PLOD2: variants seen among roughly 807,000 people sequenced by gnomAD.
The protein encoded by PLOD2 is lysine hydroxylase 2.
Under a neutral mutation model 101.0 loss-of-function variants are expected in PLOD2, and 65 were observed. The ratio of observed to expected loss-of-function variants is 0.64; its 90% CI spans 0.53 to 0.79. The LOEUF is 0.79. Ranked by LOEUF, PLOD2 falls within the 30% of genes least tolerant of loss-of-function variation. The pLI is 0.00. For missense variants in PLOD2, 909 were observed against 914.6 expected (o/e 0.99, Z 0.08); for synonymous variants, 314 against 302.9 (o/e 1.04, Z -0.38).
At chr3:146,119,037 T>C (rs1167186488) in intron 3 of PLOD2, among the ~76,000 whole-genome samples, 1 of 152,100 alleles carries the variant, frequency 6.6e-6, no homozygotes, top group African/African-American at 2.4e-5. Flanking sequence ...CCCACCCACA[T>C]CTCATGTTGA....
rs1936278388 is a variant in PLOD2 at position 146,074,939 on chromosome 3, G to T, written c.1678-1587C>A. Reference sequence around the variant, plus strand: ...AGAAAACTTGTTCCTACTCAGTTCTGATATTTTCATTGCTTACTTTCCAAA... The same window carrying T: ...AGAAAACTTGTTCCTACTCAGTTCTTATATTTTCATTGCTTACTTTCCAAA... On this transcript the variant is annotated intron_variant, in intron 15 of 19. Coordinates refer to ENST00000282903, the MANE Select transcript of PLOD2 (RefSeq NM_182943.3). Among the ~76,000 whole-genome samples the T allele has an allele frequency of 2.0e-5, 3 of 151,494 alleles. No homozygotes were observed. The Admixed American group carries it at 2.0e-4, about 10-fold the overall frequency.
intron 7 of PLOD2, among the ~76,000 whole-genome samples, chr3:146,102,402 C>T (rs775621688): frequency 1.6e-4 from 25 of 152,020 alleles, no homozygotes; most frequent in Non-Finnish European, 2.9e-4. Flanking sequence ...ACTTAGAAAA[C>T]GGCAAGTCAG....
Position 146,070,381 on chromosome 3 carries a change from ATAT to A in PLOD2, c.*333_*335del, listed in dbSNP as rs1174101032. ...TCCCATGCTTTTTTTAAATAAGAAA[ATAT>A]TATTAGTCTTGTTATTTGTACCTAA... On this transcript the variant is annotated 3_prime_UTR_variant, in exon 20 of 20. Transcript: ENST00000282903. The A allele has an allele frequency of 6.3e-6, 1 of 158,568 alleles. No homozygotes were observed. The highest frequency in any genetic ancestry group is 1.4e-5 in the Non-Finnish European group (1 of 72,620). 9.8% of individuals were successfully genotyped at this position (158,568 alleles called of 1,614,324 possible).
chr3:146,118,511 A>G (rs1424466890), intron 3 of PLOD2, among the ~76,000 whole-genome samples: 1 of 152,178 alleles, frequency 6.6e-6, no homozygotes, highest in Non-Finnish European at 1.5e-5. Flanking sequence ...TTGTGTCTTT[A>G]TATTTTCAAA....
intron 7 of PLOD2, among the ~76,000 whole-genome samples, chr3:146,099,742 G>T (rs1426085121): frequency 6.6e-6 from 1 of 152,010 alleles, no homozygotes; most frequent in Non-Finnish European, 1.5e-5. Context: ...ACACTATGTA[G>T]TTATGGGAAA....
intron 1 of PLOD2, among the ~76,000 whole-genome samples, chr3:146,144,911 G>A (rs2031703926): frequency 6.6e-6 from 1 of 151,928 alleles, no homozygotes; most frequent in Non-Finnish European, 1.5e-5. Flanking sequence ...GTGTGTTCAT[G>A]GACAAATTTA....
intron 1 of PLOD2, among the ~76,000 whole-genome samples, chr3:146,142,807 G>A (rs144017913): frequency 2.6e-5 from 4 of 152,160 alleles, no homozygotes; most frequent in East Asian, 3.9e-4. Flanking sequence ...TAAGAAAGGG[G>A]CATTGTCAGC....
Position 146,073,390 on chromosome 3 carries a change from T to A in PLOD2, c.1678-38A>T, listed in dbSNP as rs765246365. On this transcript the variant is annotated intron_variant, in intron 15 of 19. Transcript: ENST00000282903. ...GTACATATTAAAACAAATATCTTTA[T>A]AAATACTTCACTGAAAAGTATAAAG... 3.5e-5 allele frequency: 26 copies of A among 743,920 alleles called. No homozygotes were observed. The East Asian group carries it at 7.1e-4, about 20-fold the overall frequency. The allele number at this position is 743,920 out of a possible 1,614,324, so 46.1% of individuals were successfully genotyped here.
intron 7 of PLOD2, among the ~76,000 whole-genome samples, chr3:146,097,061 C>A (rs867448772): frequency 6.8e-6 from 1 of 147,432 alleles, no homozygotes; most frequent in Non-Finnish European, 1.5e-5. Context: ...CTCCTCTGCC[C>A]GGCCGCCCCT....
intron 1 of PLOD2, among the ~76,000 whole-genome samples, chr3:146,136,869 A>G (rs2031260967): frequency 6.6e-6 from 1 of 152,228 alleles, no homozygotes; most frequent in African/African-American, 2.4e-5. Context: ...TGTTTCTACA[A>G]TGACGAAATT....
intron 1 of PLOD2, among the ~76,000 whole-genome samples, chr3:146,150,451 T>A (rs1004425653): frequency 1.4e-4 from 21 of 152,230 alleles, no homozygotes; most frequent in African/African-American, 4.8e-4. Context: ...TGGAGGCTAT[T>A]ATCCTTAGCA....
intron 1 of PLOD2, among the ~76,000 whole-genome samples, chr3:146,150,860 G>T (rs902396744): frequency 6.6e-6 from 1 of 152,152 alleles, no homozygotes; most frequent in Non-Finnish European, 1.5e-5. Flanking sequence ...AGAGGATACG[G>T]TTCCTCTCTG....
intron 3 of PLOD2, among the ~76,000 whole-genome samples, chr3:146,115,317 T>C (rs1937856137): frequency 6.6e-6 from 1 of 152,162 alleles, no homozygotes; most frequent in African/African-American, 2.4e-5. Context: ...GAAAAAACCA[T>C]AAGATTCTAC....
chr3:146,132,784 C>T (rs1530741), intron 1 of PLOD2, among the ~76,000 whole-genome samples: 76,475 of 151,970 alleles, frequency 0.5, 19,314 homozygotes, highest in East Asian at 0.56. Flanking sequence ...AGCTTCAAGA[C>T]ATTTTTTAAA....
At chr3:146,148,568 C>T (rs1479258109) in intron 1 of PLOD2, among the ~76,000 whole-genome samples, 2 of 152,200 alleles carry the variant, frequency 1.3e-5, no homozygotes, top group Non-Finnish European at 2.9e-5. Flanking sequence ...CTCCTCTGTA[C>T]TGTTTCTGCA....
intron 1 of PLOD2, among the ~76,000 whole-genome samples, chr3:146,158,059 C>T (rs979129101): frequency 6.6e-6 from 1 of 152,154 alleles, no homozygotes; most frequent in Non-Finnish European, 1.5e-5. Context: ...CAGTTTGGAT[C>T]ATAGAATAGT....
rs1484665491 is a variant in PLOD2 at position 146,070,815 on chromosome 3, A to G, written c.2179T>C (p.Trp727Arg). 1.2e-6 allele frequency: 2 copies of G among 1,610,666 alleles called. No homozygotes were observed. Among genetic ancestry groups the G allele is most frequent in the Non-Finnish European group, 1.7e-6 (2 of 1,177,612 alleles). Reference protein sequence around the residue: ...NCSIESPRKGWSFMHPGRLTH... With the variant: ...NCSIESPRKGRSFMHPGRLTH... ...AGTCTCCCAGGATGCATGAAGCTCC[A>G]GCCTTTTCGTGGTGACTCAATAGAG... The change falls in exon 20 of 20, where the codon TGG (tryptophan) becomes CGG (arginine). Residue 727 changes from tryptophan (W) to arginine (R), a missense_variant. By Grantham distance (101) the Trp-to-Arg change is moderately radical. Transcript: ENST00000282903.
chr3:146,160,907 G>A lies in PLOD2; in HGVS notation c.83C>T (p.Ser28Leu), dbSNP rs754523284. The change falls in exon 1 of 20, where the codon TCG becomes TTG. Residue 28 changes from serine (S) to leucine (L), a missense_variant. Ser to Leu is a moderately radical substitution (Grantham distance 145). Coordinates refer to ENST00000282903, the MANE Select transcript of PLOD2 (RefSeq NM_182943.3). The stretch of plus-strand genomic sequence containing the variant: ...TGTGGGGATGCTCGAGGGCTTCTCC[G>A]AGTCCGCACCCAGACAGGGATTCCA... Reference protein sequence around the residue: ...HPWNPCLGADSEKPSSIPTDK... With the variant: ...HPWNPCLGADLEKPSSIPTDK... 7 of 1,591,704 alleles carry A rather than the reference G, an allele frequency of 4.4e-6. No homozygotes were observed. The highest frequency in any genetic ancestry group is 6.0e-6 in the Non-Finnish European group (7 of 1,169,032).
chr3:146,121,069 T>C, intron 3 of PLOD2, 43 bp downstream of exon 3: 2 of 1,397,532 alleles, frequency 1.4e-6, no homozygotes, highest in Non-Finnish European at 1.0e-6. Flanking sequence ...CTTTAAAAAG[T>C]AATTGAATAT....
Sources: allele counts gnomAD v4.1 joint callset (sites outside exome capture counted in the v4.1 genomes callset), GRCh38; gene constraint gnomAD v4.1.1; transcripts MANE v1.5; gene names NCBI Gene and HGNC (gene_info 2026-07-23, HGNC 2026-07-21).